The following FOXO1 variants were observed in gnomAD, a reference collection of about 807,000 sequenced individuals.
The protein encoded by FOXO1 is forkhead box protein O1.
Under a neutral mutation model 44.1 loss-of-function variants are expected in FOXO1, and 6 were observed. The ratio of observed to expected loss-of-function variants is 0.14; its 90% CI spans 0.07 to 0.27. The LOEUF (loss-of-function observed/expected upper bound fraction) is 0.27. Among genes scored for constraint, FOXO1 ranks in the 10% least tolerant of loss-of-function variants. The probability of loss-of-function intolerance (pLI) is 1.00; values close to 1 mark genes in which losing one functional copy is unlikely to be tolerated. For missense variants in FOXO1, 737 were observed against 888.8 expected (o/e 0.83, Z 2.17); for synonymous variants, 380 against 362.7 (o/e 1.05, Z -0.54).
At chr13:40,568,085 C>T (rs1874341343) in intron 1 of FOXO1, among the ~76,000 whole-genome samples, 1 of 152,118 alleles carries the variant, frequency 6.6e-6, no homozygotes, top group African/African-American at 2.4e-5. Context: ...CTAGGGAAAA[C>T]CTGTGGGGAC....
intron 1 of FOXO1, among the ~76,000 whole-genome samples, chr13:40,665,226 A>G (rs1313901789): frequency 1.3e-5 from 2 of 151,954 alleles, no homozygotes; most frequent in African/African-American, 4.8e-5. Flanking sequence ...GGGAAGGGGC[A>G]GCCGAAGCAG....
chr13:40,644,930 C>T (rs185984999), intron 1 of FOXO1, among the ~76,000 whole-genome samples: 62 of 152,314 alleles, frequency 4.1e-4, no homozygotes, highest in African/African-American at 1.2e-3. Flanking sequence ...GCATTCAACA[C>T]AGATGAGGCA....
At chr13:40,620,251 G>A (rs963746827) in intron 1 of FOXO1, 39 of 1,452,908 alleles carry the variant, frequency 2.7e-5, no homozygotes, top group Middle Eastern at 1.8e-4. Context: ...GATCCATCCC[G>A]GAGAAAATAG....
chr13:40,577,035 C>G (rs774333293), intron 1 of FOXO1, among the ~76,000 whole-genome samples: 2 of 152,160 alleles, frequency 1.3e-5, no homozygotes, highest in Non-Finnish European at 2.9e-5. Context: ...ATGGATAAAG[C>G]TGCAACAAAA....
rs55733141 is a variant in FOXO1, at chr13:40,584,469, C to CAAAAAAAAAAAAAAAAAAAA, written c.631-23629_631-23610dup. On this transcript the variant is annotated intron_variant, in intron 1 of 2. Transcript: ENST00000379561. ...AGAAATTCTATCTCCACAAAAAATG[C>CAAAAAAAAAAAAAAAAAAAA]AAAAAAAAAAAAAAAAAAAAAAAAA... Among the ~76,000 whole-genome samples the CAAAAAAAAAAAAAAAAAAAA allele has an allele frequency of 1.3e-4, 8 of 63,114 alleles. 1 individual carries two copies. Among genetic ancestry groups the CAAAAAAAAAAAAAAAAAAAA allele is most frequent in the Non-Finnish European group, 2.1e-4 (8 of 37,886 alleles). The allele number at this position is 63,114 out of a possible 152,430, so 41.4% of individuals were successfully genotyped here.
intron 1 of FOXO1, among the ~76,000 whole-genome samples, chr13:40,608,428 G>A (rs190568558): frequency 6.6e-4 from 100 of 152,328 alleles, no homozygotes; most frequent in Middle Eastern, 3.4e-3. Flanking sequence ...ACATGGAGTA[G>A]GCTGCTGCAG....
intron 1 of FOXO1, among the ~76,000 whole-genome samples, chr13:40,645,024 A>AT (rs1877466640): frequency 6.6e-6 from 1 of 152,244 alleles, no homozygotes; most frequent in Non-Finnish European, 1.5e-5. Context: ...ACACAAAGGC[A>AT]TTTAGCTCAA....
At chr13:40,590,750 T>C (rs1280695131) in intron 1 of FOXO1, among the ~76,000 whole-genome samples, 4 of 152,114 alleles carry the variant, frequency 2.6e-5, no homozygotes, top group Non-Finnish European at 4.4e-5. Flanking sequence ...GCCTTCTGTG[T>C]GGCTTTTTTT....
Position 40,558,987 on chromosome 13 carries a change from T to C in FOXO1, c.*62A>G. Reference sequence around the variant, plus strand: ...TGGTGAAAGACATCTTTGGACTGCTTCTCTCAGTTCCTGCTGTCAGACAAT... The same window carrying C: ...TGGTGAAAGACATCTTTGGACTGCTCCTCTCAGTTCCTGCTGTCAGACAAT... On this transcript the variant is annotated 3_prime_UTR_variant, in exon 3 of 3. Coordinates refer to ENST00000379561, the MANE Select transcript of FOXO1 (RefSeq NM_002015.4). The C allele has an allele frequency of 2.5e-6, 1 of 398,680 alleles. No homozygotes were observed. The highest frequency in any genetic ancestry group is 2.1e-5 in the African/African-American group (1 of 48,674). 24.7% of individuals were successfully genotyped at this position (398,680 alleles called of 1,614,324 possible).
chr13:40,558,058 A>C lies in FOXO1; in HGVS notation c.*991T>G, dbSNP rs1873826820. Reference sequence around the variant, plus strand: ...ATGCAAGTACTAATTACAATGATTTAAGATTAGTCAGAAACATCACTAAGT... The same window carrying C: ...ATGCAAGTACTAATTACAATGATTTCAGATTAGTCAGAAACATCACTAAGT... On this transcript the variant is annotated 3_prime_UTR_variant, in exon 3 of 3. Transcript: ENST00000379561. The C allele has an allele frequency of 6.5e-6, 1 of 152,686 alleles. No individual in the cohort carries two copies. Among genetic ancestry groups the C allele is most frequent in the Admixed American group, 6.5e-5 (1 of 15,290 alleles). 9.5% of individuals were successfully genotyped at this position (152,686 alleles called of 1,614,324 possible). A position where few individuals can be genotyped will look rare whatever the true frequency, so the allele number is the denominator to read the frequency against.
intron 1 of FOXO1, among the ~76,000 whole-genome samples, chr13:40,595,257 A>G (rs1462826889): frequency 1.3e-5 from 2 of 152,216 alleles, no homozygotes; most frequent in Non-Finnish European, 2.9e-5. Context: ...AGCTTGACAC[A>G]CTTTGTAAAG....
At chr13:40,656,103 C>G (rs925739461) in intron 1 of FOXO1, among the ~76,000 whole-genome samples, 1 of 152,190 alleles carries the variant, frequency 6.6e-6, no homozygotes, top group Non-Finnish European at 1.5e-5. Context: ...ACATTCAGTC[C>G]TATTGGACTG....
At chr13:40,607,666 C>T (rs1192412165) in intron 1 of FOXO1, among the ~76,000 whole-genome samples, 1 of 152,230 alleles carries the variant, frequency 6.6e-6, no homozygotes, top group Non-Finnish European at 1.5e-5. Context: ...TCTATACACT[C>T]AATGTTTTTA....
chr13:40,660,354 C>CA (rs573972809), intron 1 of FOXO1, among the ~76,000 whole-genome samples: 61 of 152,116 alleles, frequency 4.0e-4, no homozygotes, highest in Middle Eastern at 3.4e-3. Flanking sequence ...ACATATAGGC[C>CA]AAAAAAATGG....
chr13:40,559,502 A>AACTT lies in FOXO1; in HGVS notation c.*14+3_*14+6dup, dbSNP rs1193545322. On this transcript the variant is annotated splice_region_variant and intron_variant, in intron 2 of 2. Coordinates refer to ENST00000379561, the MANE Select transcript of FOXO1 (RefSeq NM_002015.4). ...CAAAAGGTCTTTTGATATTGGGGTGAACTTACCTGCTCACTAACCCTCAGC... is the reference window on the plus strand; with the variant it reads ...CAAAAGGTCTTTTGATATTGGGGTGAACTTACTTACCTGCTCACTAACCCTCAGC... The AACTT allele has an allele frequency of 5.1e-6, 8 of 1,553,516 alleles. No homozygotes were observed. In the South Asian group the frequency reaches 7.4e-5, roughly 14 times the overall value.
intron 1 of FOXO1, among the ~76,000 whole-genome samples, chr13:40,662,170 CAAAAAAAAAAAAAAA>C (rs57350461): frequency 1.8e-5 from 1 of 56,724 alleles, no homozygotes; most frequent in East Asian, 4.3e-4. Flanking sequence ...GACTCTGACT[CAAAAAAAAAAAAAAA>C]AAAAAAAAAA....
chr13:40,563,536 C>T (rs552433634), intron 1 of FOXO1, among the ~76,000 whole-genome samples: 3 of 152,224 alleles, frequency 2.0e-5, no homozygotes, highest in South Asian at 2.1e-4. Flanking sequence ...CCCAGATTCC[C>T]GGCTGGAACG....
At chr13:40,606,735 C>T (rs1876015054) in intron 1 of FOXO1, among the ~76,000 whole-genome samples, 1 of 152,156 alleles carries the variant, frequency 6.6e-6, no homozygotes, top group Admixed American at 6.5e-5. Context: ...CTAGACACTA[C>T]TTGCCAGATG....
At chr13:40,592,590 A>G (rs1219584360) in intron 1 of FOXO1, among the ~76,000 whole-genome samples, 2 of 152,204 alleles carry the variant, frequency 1.3e-5, no homozygotes, top group Non-Finnish European at 2.9e-5. Context: ...CACAACCAGA[A>G]CTACAGCATC....
Sources: allele counts gnomAD v4.1 joint callset (sites outside exome capture counted in the v4.1 genomes callset), GRCh38; gene constraint gnomAD v4.1.1; transcripts MANE v1.5; gene names NCBI Gene and HGNC (gene_info 2026-07-23, HGNC 2026-07-21).